MYO16: variants seen among roughly 807,000 people sequenced by gnomAD.
MYO16 encodes unconventional myosin-XVI.
MYO16 carries 94 observed loss-of-function variants against 205.3 expected under a neutral mutation model. The observed-to-expected ratio is 0.46, with a 90% confidence interval of 0.39 to 0.54. The LOEUF (loss-of-function observed/expected upper bound fraction) is 0.54. Among genes scored for constraint, MYO16 ranks in the 20% least tolerant of loss-of-function variants. MYO16 has a pLI of 0.00. For synonymous variants in MYO16, 988 were observed against 954.0 expected (o/e 1.04, Z -0.66); for missense variants, 2,315 against 2,387.5 (o/e 0.97, Z 0.63).
chr13:109,205,610 C>G (rs1217183888), intron 34 of MYO16, among the ~76,000 whole-genome samples: 1 of 151,990 alleles, frequency 6.6e-6, no homozygotes, highest in East Asian at 1.9e-4. Flanking sequence ...CAGTATACTT[C>G]CTTAGAATTG....
At chr13:108,691,026 G>A (rs1882874786) in intron 2 of MYO16, among the ~76,000 whole-genome samples, 1 of 152,088 alleles carries the variant, frequency 6.6e-6, no homozygotes, top group African/African-American at 2.4e-5. Context: ...GGTAGATGTA[G>A]GTTTTGATTA....
chr13:108,864,708 A>T (rs2139122008), intron 11 of MYO16, among the ~76,000 whole-genome samples: 1 of 151,840 alleles, frequency 6.6e-6, no homozygotes, highest in Admixed American at 6.6e-5. Context: ...AAAAAAAAAA[A>T]TTGTAGAGAT....
chr13:108,550,774 T>C, the MYO16 span, among the ~76,000 whole-genome samples: 1 of 152,224 alleles, frequency 6.6e-6, no homozygotes, highest in African/African-American at 2.4e-5. Flanking sequence ...CCTGCTAATA[T>C]TTTGGAACTG....
intron 1 of MYO16, among the ~76,000 whole-genome samples, chr13:108,649,988 T>C (rs1321047039): frequency 6.6e-6 from 1 of 152,166 alleles, no homozygotes; most frequent in African/African-American, 2.4e-5. Flanking sequence ...TTTTCCCAAA[T>C]GTATTTACAG....
Position 109,055,385 on chromosome 13 carries a change from C to T in MYO16, c.3130-5C>T. 3 of 1,605,362 alleles carry T rather than the reference C, an allele frequency of 1.9e-6. No homozygotes were observed. Among genetic ancestry groups the T allele is most frequent in the Non-Finnish European group, 2.6e-6 (3 of 1,174,238 alleles). On this transcript the variant is annotated splice_polypyrimidine_tract_variant and splice_region_variant and intron_variant, in intron 26 of 34. Coordinates refer to ENST00000457511, the MANE Select transcript of MYO16 (RefSeq NM_001198950.3). This position sits in a 1 kb window ranked among gnomAD's most constrained non-coding sequence, Gnocchi z 5.0. ...GAATCAGTTGGGTTCTACTTCTCTC[C>T]TTAGAAATCACTAATGGATATTATT...
chr13:108,727,666 A>G (rs963834831), intron 4 of MYO16, 83 bp downstream of exon 4: 3 of 1,466,950 alleles, frequency 2.0e-6, no homozygotes, highest in East Asian at 4.6e-5. Flanking sequence ...ATTTTACAAT[A>G]TGTAATATTT....
chr13:108,611,239 G>A (rs1045865405), intron 1 of MYO16, among the ~76,000 whole-genome samples: 1 of 152,044 alleles, frequency 6.6e-6, no homozygotes, highest in African/African-American at 2.4e-5. Context: ...TTAAAGACCT[G>A]GGTGGTGGAT....
intron 1 of MYO16, among the ~76,000 whole-genome samples, chr13:108,657,700 C>A (rs1881306538): frequency 6.6e-6 from 1 of 152,108 alleles, no homozygotes; most frequent in Non-Finnish European, 1.5e-5. Context: ...CAGCAAAGTT[C>A]CGGACTATCA....
intron 6 of MYO16, 92 bp from the exon 7 acceptor site, chr13:108,806,587 T>G: frequency 9.2e-7 from 1 of 1,089,516 alleles, no homozygotes. Flanking sequence ...AGATCCACCA[T>G]TTCATTAAGT....
At chr13:108,701,741 T>C (rs1033974750) in intron 2 of MYO16, among the ~76,000 whole-genome samples, 3 of 152,106 alleles carry the variant, frequency 2.0e-5, no homozygotes, top group African/African-American at 7.2e-5. Context: ...GCCCAGATAT[T>C]AGATTTACTA....
intron 14 of MYO16, among the ~76,000 whole-genome samples, chr13:108,890,489 C>G (rs988854519): frequency 6.6e-6 from 1 of 152,140 alleles, no homozygotes; most frequent in Non-Finnish European, 1.5e-5. Flanking sequence ...CAGGCCCTGT[C>G]GCTCCCCAGA....
chr13:108,697,422 T>G (rs1398108668), intron 2 of MYO16, among the ~76,000 whole-genome samples: 1 of 152,210 alleles, frequency 6.6e-6, no homozygotes, highest in East Asian at 1.9e-4. Flanking sequence ...GTCTAGAGAT[T>G]ACTCAGCACG....
the MYO16 span, among the ~76,000 whole-genome samples, chr13:108,545,212 T>A: frequency 6.6e-6 from 1 of 152,186 alleles, no homozygotes; most frequent in Admixed American, 6.5e-5. Flanking sequence ...TGTGTCCATA[T>A]GTACTGGATG....
At chr13:109,198,321 T>C (rs1880248249) in intron 34 of MYO16, among the ~76,000 whole-genome samples, 1 of 152,112 alleles carries the variant, frequency 6.6e-6, no homozygotes, top group Non-Finnish European at 1.5e-5. Flanking sequence ...CTCCTGAAAA[T>C]ACAAACCCTA....
At chr13:108,711,860 G>C (rs1566564839) in intron 2 of MYO16, among the ~76,000 whole-genome samples, 1 of 152,220 alleles carries the variant, frequency 6.6e-6, no homozygotes, top group Non-Finnish European at 1.5e-5. Flanking sequence ...TTTTGTGTGT[G>C]TGGAAAATGC....
chr13:109,042,325 T>C (rs1376898331), intron 23 of MYO16, among the ~76,000 whole-genome samples: 1 of 152,238 alleles, frequency 6.6e-6, no homozygotes, highest in African/African-American at 2.4e-5. Flanking sequence ...GTATTTAAAT[T>C]ACTTGGCTGT....
intron 12 of MYO16, among the ~76,000 whole-genome samples, chr13:108,880,343 C>T (rs1879552447): frequency 6.6e-6 from 1 of 152,162 alleles, no homozygotes; most frequent in Admixed American, 6.5e-5. Flanking sequence ...GTTTCTTTTG[C>T]TGTGCAGAAG....
At chr13:108,705,822 A>G (rs1035855294) in intron 2 of MYO16, among the ~76,000 whole-genome samples, 1 of 152,224 alleles carries the variant, frequency 6.6e-6, no homozygotes, top group African/African-American at 2.4e-5. Context: ...TGATAGGCTT[A>G]TATCGAATAG....
At chr13:108,539,331 G>A in the MYO16 span, among the ~76,000 whole-genome samples, 2 of 151,972 alleles carry the variant, frequency 1.3e-5, no homozygotes, top group Non-Finnish European at 2.9e-5. Context: ...GGCAGGACAG[G>A]GCCCACATTT....
Sources: allele counts gnomAD v4.1 joint callset (sites outside exome capture counted in the v4.1 genomes callset), GRCh38; gene constraint gnomAD v4.1.1; non-coding constraint Gnocchi (gnomAD v3.1); transcripts MANE v1.5; gene names NCBI Gene and HGNC (gene_info 2026-07-23, HGNC 2026-07-21).